The following UBASH3B variants were observed in gnomAD, a reference collection of about 807,000 sequenced individuals.
UBASH3B encodes the protein ubiquitin-associated and SH3 domain-containing protein B.
In UBASH3B, 37 loss-of-function variants were observed where a neutral mutation model predicts 83.4. The ratio of observed to expected loss-of-function variants is 0.44; its 90% CI spans 0.34 to 0.58. The LOEUF (loss-of-function observed/expected upper bound fraction) is 0.58, where lower values mean the gene tolerates loss of function less well. Among genes scored for constraint, UBASH3B ranks in the 20% least tolerant of loss-of-function variants. The probability of loss-of-function intolerance (pLI) is 0.01; values close to 1 mark genes in which losing one functional copy is unlikely to be tolerated. For synonymous variants in UBASH3B, 304 were observed against 318.3 expected (o/e 0.96, Z 0.48); for missense variants, 657 against 827.2 (o/e 0.79, Z 2.52).
At chr11:122,656,722 G>A (rs1177708677) in intron 1 of UBASH3B, among the ~76,000 whole-genome samples, 1 of 152,216 alleles carries the variant, frequency 6.6e-6, no homozygotes. Flanking sequence ...TCGCTCTCGG[G>A]TTCGGTCTCC....
chr11:122,808,616 A>C (rs1861382574), intron 13 of UBASH3B, among the ~76,000 whole-genome samples: 1 of 152,204 alleles, frequency 6.6e-6, no homozygotes, highest in Non-Finnish European at 1.5e-5. Context: ...AGCCAGGAAC[A>C]AGACAGCAAG....
In UBASH3B at chr11:122,758,438, C is replaced by T. The variant is rs1039945042; in HGVS notation, c.162-17781C>T. Among the ~76,000 whole-genome samples, 19 of 152,180 alleles carry T rather than the reference C, an allele frequency of 1.2e-4. No homozygotes were observed. Among genetic ancestry groups the T allele is most frequent in the African/African-American group, 4.1e-4 (17 of 41,450 alleles). ...GAGCATCTGCCAGGAACTGTTTTAC[C>T]AAAAGATTCCCTCCAGGAGCTTCCC... is the stretch of plus-strand genomic sequence containing the variant. On this transcript the variant is annotated intron_variant, in intron 1 of 13. Coordinates refer to ENST00000284273, the MANE Select transcript of UBASH3B (RefSeq NM_032873.5). This position sits in a 1 kb window ranked among gnomAD's most constrained non-coding sequence, Gnocchi z 4.2.
Position 122,656,186 on chromosome 11 carries a change from C to G in UBASH3B, c.137C>G (p.Ser46Cys). 1 of 1,519,256 alleles carries G rather than the reference C, an allele frequency of 6.6e-7. No homozygotes were observed. 94.1% of individuals were successfully genotyped at this position (1,519,256 alleles called of 1,614,324 possible). Residue 46 changes from serine (S) to cysteine (C), a missense_variant, in exon 1 of 14, where the codon TCC becomes TGC. Ser to Cys is a moderately radical substitution (Grantham distance 112, BLOSUM62 -1). This residue lies in a region of UBASH3B where 78 missense variants were observed against 68.4 expected (regional missense o/e 1.14). Transcript: ENST00000284273. The stretch of plus-strand genomic sequence containing the variant: ...GGATCGGCGCTGGACGTGCTCCTCT[C>G]CATGGGGTTCCCCAGAGCCCGCGCG... ...KHGSALDVLL[S>C]MGFPRARAQK... is the part of the protein sequence containing the mutation.
intron 1 of UBASH3B, among the ~76,000 whole-genome samples, chr11:122,774,848 C>G (rs184189140): frequency 6.6e-6 from 1 of 152,238 alleles, no homozygotes. Context: ...TCCACATCAA[C>G]GACCACCACG....
chr11:122,710,427 T>G (rs1864176911), intron 1 of UBASH3B, among the ~76,000 whole-genome samples: 1 of 152,140 alleles, frequency 6.6e-6, no homozygotes, highest in Non-Finnish European at 1.5e-5. Flanking sequence ...TATCTCTGTG[T>G]CATCACAACC....
At chr11:122,760,248 C>T (rs1006377612) in intron 1 of UBASH3B, among the ~76,000 whole-genome samples, 2 of 152,118 alleles carry the variant, frequency 1.3e-5, no homozygotes, top group African/African-American at 4.8e-5. Flanking sequence ...GGGACCACTT[C>T]CTGGAGGAAA....
intron 2 of UBASH3B, among the ~76,000 whole-genome samples, chr11:122,776,748 T>C (rs1733952584): frequency 1.3e-5 from 2 of 152,136 alleles, no homozygotes; most frequent in Admixed American, 1.3e-4. Context: ...TTGGAGTTGA[T>C]CCAAGAATGC....
chr11:122,761,479 A>C (rs1861369398), intron 1 of UBASH3B, among the ~76,000 whole-genome samples: 1 of 152,128 alleles, frequency 6.6e-6, no homozygotes, highest in African/African-American at 2.4e-5. Context: ...CAAAAAATAA[A>C]ACATAAATAA....
chr11:122,731,996 G>GACAC (rs35785133), intron 1 of UBASH3B, among the ~76,000 whole-genome samples: 1 of 151,000 alleles, frequency 6.6e-6, no homozygotes, highest in South Asian at 2.1e-4. Context: ...CCACCCCGAC[G>GACAC]ACACACACAC....
chr11:122,798,438 T>G (rs1861189157), intron 9 of UBASH3B, among the ~76,000 whole-genome samples: 1 of 151,850 alleles, frequency 6.6e-6, no homozygotes, highest in Non-Finnish European at 1.5e-5. Flanking sequence ...AGGGGCCAGG[T>G]GTGGTGGCTC....
intron 1 of UBASH3B, among the ~76,000 whole-genome samples, chr11:122,722,440 G>C (rs1294894284): frequency 6.9e-6 from 1 of 144,534 alleles, no homozygotes; most frequent in African/African-American, 2.4e-5. Context: ...GCCAGATACT[G>C]AGAGAGACGG....
intron 1 of UBASH3B, chr11:122,709,209 T>A (rs1420217141): frequency 3.9e-5 from 6 of 152,272 alleles, no homozygotes; most frequent in African/African-American, 1.4e-4. Flanking sequence ...ACGACTGCAC[T>A]CCATCCTGGG....
intron 4 of UBASH3B, among the ~76,000 whole-genome samples, chr11:122,781,423 A>G (rs1318116369): frequency 6.6e-6 from 1 of 152,200 alleles, no homozygotes; most frequent in African/African-American, 2.4e-5. Context: ...ATCCTTCACA[A>G]ATGAGAAAAG....
At chr11:122,701,152 T>G (rs1565534197) in intron 1 of UBASH3B, among the ~76,000 whole-genome samples, 1 of 152,252 alleles carries the variant, frequency 6.6e-6, no homozygotes, top group Non-Finnish European at 1.5e-5. Flanking sequence ...CTGCTTTGAA[T>G]TTCTTGGCTT....
At position 122,809,771 on chromosome 11, in the gene UBASH3B, C is replaced by G. The variant is rs1211613096; in HGVS notation, c.1835C>G (p.Ser612Cys). 1.2e-6 allele frequency: 2 copies of G among 1,614,010 alleles called. No homozygotes were observed. Among genetic ancestry groups the G allele is most frequent in the East Asian group, 2.2e-5 (1 of 44,894 alleles). ...CAGATCCCATATCTGGGATTTTGTT[C>G]CTGTGAAGAATTAGGAGAAACTGGA... ...VRKIPYLGFC[S>C]CEELGETGIW... The change falls in exon 14 of 14, where the codon TCC becomes TGC. Residue 612 changes from serine (S) to cysteine (C), a missense_variant. Around this residue, in one of 3 missense-constraint regions of UBASH3B, gnomAD observed 573 missense variants for 739.0 expected, o/e 0.78. Coordinates refer to ENST00000284273, the MANE Select transcript of UBASH3B (RefSeq NM_032873.5).
Position 122,776,361 on chromosome 11 carries a change from T to C in UBASH3B, c.215+89T>C, listed in dbSNP as rs1860734467. 4 of 1,251,100 alleles carry C rather than the reference T, an allele frequency of 3.2e-6. No individual in the cohort carries two copies. In the South Asian group the frequency reaches 5.9e-5, roughly 18 times the overall value. 77.5% of individuals were successfully genotyped at this position (1,251,100 alleles called of 1,614,324 possible). A position where few individuals can be genotyped will look rare whatever the true frequency, so the allele number is the denominator to read the frequency against. ...GTGGGGAGGTGCAGACTTTCTCTAA[T>C]GGACCCTTCCAGAAGAGACAGGAGC... On this transcript the variant is annotated intron_variant, in intron 2 of 13. Transcript: ENST00000284273.
chr11:122,675,702 A>T (rs1038144710), intron 1 of UBASH3B, among the ~76,000 whole-genome samples: 19 of 152,330 alleles, frequency 1.2e-4, no homozygotes, highest in African/African-American at 4.6e-4. Flanking sequence ...GATAAACAGG[A>T]TGTAATCCTG....
intron 11 of UBASH3B, among the ~76,000 whole-genome samples, chr11:122,802,937 T>A (rs1180393872): frequency 6.6e-6 from 1 of 152,130 alleles, no homozygotes; most frequent in African/African-American, 2.4e-5. Context: ...AGGTCAACTA[T>A]GTATTTTATA....
At chr11:122,771,748 AACACACACACACACACACACAC>A (rs58950220) in intron 1 of UBASH3B, among the ~76,000 whole-genome samples, 1 of 147,134 alleles carries the variant, frequency 6.8e-6, no homozygotes, top group Non-Finnish European at 1.5e-5. Flanking sequence ...GCTGTGTTAA[AACACACACACACACACACACAC>A]ACACACACAC....
Sources: gnomAD v4.1 joint callset for allele counts (sites outside exome capture counted in the v4.1 genomes callset) on GRCh38, gnomAD v4.1.1 for gene constraint, gnomAD v4.1.1 regional missense constraint, Gnocchi (gnomAD v3.1) non-coding constraint, MANE v1.5 for transcripts, NCBI Gene and HGNC (gene_info 2026-07-23, HGNC 2026-07-21) for gene names.